CAMKMT: variants seen among roughly 807,000 people sequenced by gnomAD.
CAMKMT encodes CaM KMT.
CAMKMT carries 53 observed loss-of-function variants against 48.0 expected under a neutral mutation model. The observed-to-expected ratio is 1.10, with a 90% CI of 0.89 to 1.39. CAMKMT has a LOEUF of 1.39. Ranked by LOEUF, CAMKMT falls within the 40% of genes most tolerant of loss-of-function variation. The probability of loss-of-function intolerance (pLI) is 0.00; values close to 1 mark genes in which losing one functional copy is unlikely to be tolerated. For missense variants in CAMKMT, 428 were observed against 402.7 expected (o/e 1.06, Z -0.54); for synonymous variants, 165 against 152.3 (o/e 1.08, Z -0.61).
At chr2:44,763,621 C>G (rs1680709072) in intron 9 of CAMKMT, among the ~76,000 whole-genome samples, 1 of 152,104 alleles carries the variant, frequency 6.6e-6, no homozygotes. Context: ...GTGCTAAGAA[C>G]AAAAATAAGC....
chr2:44,642,712 G>A (rs1011506011), intron 3 of CAMKMT, among the ~76,000 whole-genome samples: 1 of 152,110 alleles, frequency 6.6e-6, no homozygotes, highest in African/African-American at 2.4e-5. Context: ...TACTCTGGGG[G>A]AGAGAATTGT....
chr2:44,612,315 T>C (rs1671644891), intron 3 of CAMKMT, among the ~76,000 whole-genome samples: 1 of 152,164 alleles, frequency 6.6e-6, no homozygotes, highest in Admixed American at 6.5e-5. Flanking sequence ...GTGTTACTAA[T>C]AGTTAAAGGT....
intron 4 of CAMKMT, among the ~76,000 whole-genome samples, 154 bp downstream of exon 4, chr2:44,704,497 A>G (rs1359732845): frequency 2.6e-5 from 4 of 152,148 alleles, no homozygotes; most frequent in Non-Finnish European, 5.9e-5. Context: ...AGAGGGGAAA[A>G]AGTTCACAGT....
At chr2:44,655,359 A>G (rs1177336177) in intron 3 of CAMKMT, among the ~76,000 whole-genome samples, 1 of 152,192 alleles carries the variant, frequency 6.6e-6, no homozygotes, top group African/African-American at 2.4e-5. Flanking sequence ...CATTATGCCT[A>G]TCAGTTTCCT....
chr2:44,533,806 A>C (rs747760003), intron 3 of CAMKMT, among the ~76,000 whole-genome samples: 1 of 152,222 alleles, frequency 6.6e-6, no homozygotes, highest in Non-Finnish European at 1.5e-5. Flanking sequence ...ATGATAAACA[A>C]TAAGAGATGA....
chr2:44,704,000 C>T (rs982031538), intron 3 of CAMKMT, among the ~76,000 whole-genome samples: 2 of 151,996 alleles, frequency 1.3e-5, no homozygotes, highest in African/African-American at 4.8e-5. Context: ...CAAAATTTAA[C>T]TTGATATTTG....
intron 2 of CAMKMT, among the ~76,000 whole-genome samples, chr2:44,377,997 C>T (rs904150773): frequency 2.6e-5 from 4 of 152,204 alleles, no homozygotes; most frequent in Middle Eastern, 3.4e-3. Flanking sequence ...AACCTAGGTA[C>T]GTATATAGAG....
At chr2:44,554,534 A>C (rs1667904886) in intron 3 of CAMKMT, among the ~76,000 whole-genome samples, 1 of 152,148 alleles carries the variant, frequency 6.6e-6, no homozygotes, top group Non-Finnish European at 1.5e-5. Context: ...CCTGGAGTTC[A>C]AGACCAGCCT....
At chr2:44,403,884 AT>A (rs1682601481) in intron 3 of CAMKMT, among the ~76,000 whole-genome samples, 1 of 152,194 alleles carries the variant, frequency 6.6e-6, no homozygotes, top group Middle Eastern at 3.2e-3. Flanking sequence ...CTTTGCATAA[AT>A]TTTAGAAATT....
At chr2:44,654,762 G>A (rs1015536024) in intron 3 of CAMKMT, among the ~76,000 whole-genome samples, 3 of 152,160 alleles carry the variant, frequency 2.0e-5, no homozygotes, top group African/African-American at 7.2e-5. Flanking sequence ...TGATCCACCT[G>A]CTTCGGCCTC....
At chr2:44,639,569 G>C (rs1673331242) in intron 3 of CAMKMT, among the ~76,000 whole-genome samples, 1 of 152,186 alleles carries the variant, frequency 6.6e-6, no homozygotes, top group Non-Finnish European at 1.5e-5. Flanking sequence ...AGGTATGAAA[G>C]CACTTTAGCT....
chr2:44,496,339 T>C (rs1219033176), intron 3 of CAMKMT, among the ~76,000 whole-genome samples: 6 of 152,184 alleles, frequency 3.9e-5, no homozygotes, highest in Non-Finnish European at 8.8e-5. Flanking sequence ...GAAGAACAGC[T>C]GTTGTCTAGG....
At chr2:44,423,378 C>T (rs1684060452) in intron 3 of CAMKMT, among the ~76,000 whole-genome samples, 1 of 152,078 alleles carries the variant, frequency 6.6e-6, no homozygotes, top group Admixed American at 6.5e-5. Context: ...CGGGGTGTTA[C>T]CATATTGGCC....
At chr2:44,498,987 CTG>C (rs968890479) in intron 3 of CAMKMT, among the ~76,000 whole-genome samples, 19 of 152,086 alleles carry the variant, frequency 1.2e-4, no homozygotes, top group Non-Finnish European at 2.4e-4. Context: ...AGTGTGAGCA[CTG>C]TGTTTATGAG....
chr2:44,556,936 C>T (rs936427045), intron 3 of CAMKMT, among the ~76,000 whole-genome samples: 1 of 152,040 alleles, frequency 6.6e-6, no homozygotes, highest in Non-Finnish European at 1.5e-5. Context: ...CAAAATGATA[C>T]AAGTGAGGAT....
intron 3 of CAMKMT, among the ~76,000 whole-genome samples, chr2:44,540,445 G>A (rs1373110752): frequency 6.6e-6 from 1 of 152,142 alleles, no homozygotes; most frequent in East Asian, 1.9e-4. Flanking sequence ...TTAGTGGAAA[G>A]TGTTATTTAA....
Position 44,657,541 on chromosome 2 carries a change from A to G in CAMKMT, c.377-46742A>G, listed in dbSNP as rs1331231634. Among the ~76,000 whole-genome samples the G allele has an allele frequency of 6.6e-6, 1 of 152,194 alleles. No individual in the cohort carries two copies. The highest frequency in any genetic ancestry group is 2.4e-5 in the African/African-American group (1 of 41,448). On this transcript the variant is annotated intron_variant, in intron 3 of 10. Transcript: ENST00000378494. This position sits in a 1 kb window ranked among gnomAD's most constrained non-coding sequence, Gnocchi z 4.3. ...TTTATGGTATGTAAGTTTGGAATTA[A>G]ACTAAGTCTTCAAGTTCATGAATAG... is the stretch of plus-strand genomic sequence containing the variant.
intron 3 of CAMKMT, among the ~76,000 whole-genome samples, chr2:44,467,424 A>T (rs188451660): frequency 1.3e-5 from 2 of 152,050 alleles, no homozygotes; most frequent in African/African-American, 4.8e-5. Context: ...CCCAGCTGCT[A>T]GGGAGGATGA....
chr2:44,590,269 T>G (rs1391200747), intron 3 of CAMKMT, among the ~76,000 whole-genome samples: 2 of 152,328 alleles, frequency 1.3e-5, no homozygotes, highest in Non-Finnish European at 1.5e-5. Flanking sequence ...AATGCTTTCT[T>G]CATTAAGTAA....
Sources: gnomAD v4.1 joint callset for allele counts (sites outside exome capture counted in the v4.1 genomes callset) on GRCh38, gnomAD v4.1.1 for gene constraint, Gnocchi (gnomAD v3.1) non-coding constraint, MANE v1.5 for transcripts, NCBI Gene and HGNC (gene_info 2026-07-23, HGNC 2026-07-21) for gene names.